Variants in RAB3C observed in about 807,000 individuals in gnomAD.
The protein encoded by RAB3C is ras-related protein Rab-3C.
In RAB3C, 17 loss-of-function variants were observed where a neutral mutation model predicts 26.4. The observed-to-expected ratio is 0.64, with a 90% CI of 0.44 to 0.97. The LOEUF (loss-of-function observed/expected upper bound fraction) is 0.97, where lower values mean the gene tolerates loss of function less well. Ranked by LOEUF, RAB3C falls within the 50% of genes least tolerant of loss-of-function variation. The pLI is 0.00. For missense variants in RAB3C, 242 were observed against 281.9 expected (o/e 0.86, Z 1.01); for synonymous variants, 91 against 95.9 (o/e 0.95, Z 0.30).
intron 2 of RAB3C, among the ~76,000 whole-genome samples, chr5:58,682,557 G>A (rs536970685): frequency 5.9e-5 from 9 of 152,074 alleles, no homozygotes; most frequent in East Asian, 5.8e-4. Context: ...GGTGGCGGGC[G>A]CCTATAGTCC....
chr5:58,785,699 A>G (rs1392382051), intron 3 of RAB3C, among the ~76,000 whole-genome samples: 1 of 152,194 alleles, frequency 6.6e-6, no homozygotes, highest in Admixed American at 6.5e-5. Flanking sequence ...AGGACCTGTG[A>G]ATGTGTTATG....
At chr5:58,737,613 A>G (rs941459747) in intron 3 of RAB3C, among the ~76,000 whole-genome samples, 4 of 151,776 alleles carry the variant, frequency 2.6e-5, no homozygotes, top group Non-Finnish European at 4.4e-5. Flanking sequence ...GAATGACTGT[A>G]TGAATGACAG....
In RAB3C at chr5:58,856,579, C is replaced by T. The variant is rs1472091745; in HGVS notation, c.*5228C>T. 1 of 152,138 alleles carries T rather than the reference C, an allele frequency of 6.6e-6. No individual in the cohort carries two copies. Among genetic ancestry groups the T allele is most frequent in the Non-Finnish European group, 1.5e-5 (1 of 68,026 alleles). 9.4% of individuals were successfully genotyped at this position (152,138 alleles called of 1,614,324 possible). ...TTGCTGAAATGAGGTTTGAGGTTACCTGTGTATTTCATTCACCTGTGTTAA... is the reference window on the plus strand; with the variant it reads ...TTGCTGAAATGAGGTTTGAGGTTACTTGTGTATTTCATTCACCTGTGTTAA... On this transcript the variant is annotated 3_prime_UTR_variant, in exon 5 of 5. Transcript: ENST00000282878.
chr5:58,615,271 G>A (rs1423083669), intron 1 of RAB3C, among the ~76,000 whole-genome samples: 1 of 152,126 alleles, frequency 6.6e-6, no homozygotes, highest in Non-Finnish European at 1.5e-5. Context: ...CCAAGTAAGT[G>A]AGCAGCTCTA....
rs757151825 is a variant in RAB3C, at chr5:58,617,464, G to A, written c.25-179G>A. ...GATTTGCTATTCTGTCTTCCAGCAGGGAATTATTGCCATGGATACCAATAT... is the reference window on the plus strand; with the variant it reads ...GATTTGCTATTCTGTCTTCCAGCAGAGAATTATTGCCATGGATACCAATAT... On this transcript the variant is annotated intron_variant, in intron 1 of 4. Transcript: ENST00000282878. The A allele has an allele frequency of 1.7e-5, 13 of 768,822 alleles. No homozygotes were observed. The African/African-American group carries it at 2.2e-4, about 13-fold the overall frequency. The allele number at this position is 768,822 out of a possible 1,614,324, so 47.6% of individuals were successfully genotyped here.
intron 3 of RAB3C, among the ~76,000 whole-genome samples, chr5:58,799,351 A>C (rs1742749520): frequency 6.8e-6 from 1 of 147,986 alleles, no homozygotes; most frequent in Admixed American, 6.7e-5. Context: ...ACAGGCTTTA[A>C]TTTTTTTTTT....
intron 1 of RAB3C, among the ~76,000 whole-genome samples, chr5:58,588,800 T>C (rs935134756): frequency 2.4e-4 from 36 of 152,296 alleles, no homozygotes; most frequent in African/African-American, 8.4e-4. Context: ...TATTTATTTC[T>C]AGTTTTCTTT....
chr5:58,827,230 G>C (rs1371401422), intron 4 of RAB3C, among the ~76,000 whole-genome samples: 2 of 152,242 alleles, frequency 1.3e-5, no homozygotes, highest in African/African-American at 4.8e-5. Flanking sequence ...AAACCTGGGA[G>C]AGGGTTGGCA....
chr5:58,669,705 A>G (rs1188379793), intron 2 of RAB3C, among the ~76,000 whole-genome samples: 1 of 152,206 alleles, frequency 6.6e-6, no homozygotes, highest in East Asian at 1.9e-4. Flanking sequence ...AACAGATCTA[A>G]CAATATTAAC....
chr5:58,592,873 G>A (rs1707367578), intron 1 of RAB3C, among the ~76,000 whole-genome samples: 1 of 151,958 alleles, frequency 6.6e-6, no homozygotes, highest in South Asian at 2.1e-4. Flanking sequence ...TGACTATAAT[G>A]TGCCTAGATG....
intron 1 of RAB3C, among the ~76,000 whole-genome samples, chr5:58,609,704 C>G (rs1029133755): frequency 6.6e-6 from 1 of 152,030 alleles, no homozygotes; most frequent in Non-Finnish European, 1.5e-5. Context: ...AAAGCATTAC[C>G]ATAATTTGGC....
At chr5:58,623,597 G>A (rs1313847354) in intron 2 of RAB3C, among the ~76,000 whole-genome samples, 1 of 152,226 alleles carries the variant, frequency 6.6e-6, no homozygotes, top group Non-Finnish European at 1.5e-5. Flanking sequence ...ATGTCAAGAT[G>A]CCTGAAAACA....
intron 2 of RAB3C, among the ~76,000 whole-genome samples, chr5:58,721,757 AC>A (rs1435305956): frequency 6.6e-6 from 1 of 151,760 alleles, no homozygotes; most frequent in Non-Finnish European, 1.5e-5. Context: ...TATTTGGAGA[AC>A]AAATTTTCTC....
chr5:58,583,094 G>A lies in RAB3C; in HGVS notation c.-115G>A. The A allele has an allele frequency of 1.3e-6, 2 of 1,569,540 alleles. No homozygotes were observed. The highest frequency in any genetic ancestry group is 1.7e-6 in the Non-Finnish European group (2 of 1,160,496). On this transcript the variant is annotated 5_prime_UTR_variant, in exon 1 of 5. Transcript: ENST00000282878. The stretch of plus-strand genomic sequence containing the variant: ...AGCTCCAGTGCTGATGTTGGAGCCG[G>A]TTAGCGAACCCCAAGAGTGCAGAGT...
At chr5:58,659,070 T>A (rs951790626) in intron 2 of RAB3C, among the ~76,000 whole-genome samples, 1 of 152,178 alleles carries the variant, frequency 6.6e-6, no homozygotes. Context: ...GGGTAGGTTT[T>A]GAAAATCATG....
intron 3 of RAB3C, among the ~76,000 whole-genome samples, chr5:58,781,384 A>G (rs1358600487): frequency 6.6e-6 from 1 of 152,030 alleles, no homozygotes; most frequent in African/African-American, 2.4e-5. Context: ...TGGCTTCTGT[A>G]TTTCTGAGCA....
At chr5:58,810,391 G>C (rs145851437) in intron 3 of RAB3C, among the ~76,000 whole-genome samples, 65,527 of 124,106 alleles carry the variant, frequency 0.53, 15,339 homozygotes, top group Middle Eastern at 0.65. Flanking sequence ...CTCTCTGTGT[G>C]TGTGTGTGTG....
intron 2 of RAB3C, among the ~76,000 whole-genome samples, chr5:58,683,686 A>G (rs1291125846): frequency 6.6e-6 from 1 of 152,210 alleles, no homozygotes; most frequent in East Asian, 1.9e-4. Flanking sequence ...ATTGCATCCC[A>G]TTCTGAGTAG....
At chr5:58,749,280 AG>A (rs1264849526) in intron 3 of RAB3C, among the ~76,000 whole-genome samples, 13 of 152,196 alleles carry the variant, frequency 8.5e-5, no homozygotes, top group African/African-American at 2.9e-4. Flanking sequence ...CCTAATATTA[AG>A]AAATTGTGAT....
Sources: gnomAD v4.1 joint callset for allele counts (sites outside exome capture counted in the v4.1 genomes callset) on GRCh38, gnomAD v4.1.1 for gene constraint, MANE v1.5 for transcripts, NCBI Gene and HGNC (gene_info 2026-07-23, HGNC 2026-07-21) for gene names.